The following TAF7L variants were observed in gnomAD, a reference collection of about 807,000 sequenced individuals.
The protein encoded by TAF7L is transcription initiation factor TFIID subunit 7-like.
A neutral mutation model predicts 30.2 loss-of-function variants in TAF7L; 6 were observed. That is an observed-to-expected ratio of 0.20 (90% confidence interval 0.11 to 0.39). The LOEUF (loss-of-function observed/expected upper bound fraction) is 0.39. Ranked by LOEUF, TAF7L falls within the 10% of genes least tolerant of loss-of-function variation. TAF7L has a pLI of 1.00. For missense variants in TAF7L, 284 were observed against 277.1 expected, an observed-to-expected ratio of 1.03 and a Z score of -0.18; for synonymous variants, 93 against 94.5, an observed-to-expected ratio of 0.98 and a Z score of 0.09.
At chrX:101,291,789 C>A (rs1173157485), upstream of TAF7L, among the ~76,000 whole-genome samples, 1 of 107,635 alleles carries the variant, frequency 9.3e-6, no homozygotes, top group Non-Finnish European at 1.9e-5. Flanking sequence ...TCGCTTGAAC[C>A]CGGGAGGTGG....
At chrX:101,284,516 C>T (rs1924516466) in intron 3 of TAF7L, among the ~76,000 whole-genome samples, 1 of 111,653 alleles carries the variant, frequency 9.0e-6, no homozygotes, top group South Asian at 3.7e-4. Context: ...AGGTGTGCAC[C>T]ACCATGCCCG....
chrX:101,281,875 G>A, intron 5 of TAF7L, 100 bp from the exon 6 acceptor site: 1 of 682,236 alleles, frequency 1.5e-6, no homozygotes, highest in Non-Finnish European at 2.1e-6. Context: ...AAAGGGTCAT[G>A]ACATCACTCC....
chrX:101,281,798 A>G, intron 5 of TAF7L, 23 bp from the exon 6 acceptor site: 2 of 1,181,227 alleles, frequency 1.7e-6, no homozygotes, highest in Non-Finnish European at 2.3e-6. Context: ...CAACACAGTG[A>G]AACGTTATAT....
chrX:101,274,096 G>A (rs767119456), intron 12 of TAF7L, among the ~76,000 whole-genome samples: 30 of 112,228 alleles, frequency 2.7e-4, no homozygotes, highest in African/African-American at 8.4e-4. Flanking sequence ...GTCCAATGTC[G>A]TTTTGTTACA....
intron 12 of TAF7L, among the ~76,000 whole-genome samples, chrX:101,270,369 TCTCA>T (rs1435008748): frequency 9.0e-6 from 1 of 111,341 alleles, no homozygotes; most frequent in Non-Finnish European, 1.9e-5. Flanking sequence ...TAGAGGCTCT[TCTCA>T]CTCAGTTGCT....
At chrX:101,286,426 C>CT in intron 3 of TAF7L, 149 bp downstream of exon 3, 1 of 404,902 alleles carries the variant, frequency 2.5e-6, no homozygotes. Flanking sequence ...AAGAAGAGGA[C>CT]TTAAGCCTCT....
intron 4 of TAF7L, among the ~76,000 whole-genome samples, chrX:101,282,792 C>A (rs111634370): frequency 2.5e-3 from 277 of 110,766 alleles, no homozygotes; most frequent in African/African-American, 8.9e-3. Flanking sequence ...TAGACAAAGT[C>A]TTGCTCTGTC....
At chrX:101,273,997 T>C (rs1231496347) in intron 12 of TAF7L, among the ~76,000 whole-genome samples, 3 of 112,022 alleles carry the variant, frequency 2.7e-5, no homozygotes, top group Non-Finnish European at 1.9e-5. Context: ...TTTGTAACTT[T>C]ATATTTGTAT....
chrX:101,272,083 T>C (rs12014608), intron 12 of TAF7L, among the ~76,000 whole-genome samples: 37,833 of 110,239 alleles, frequency 0.34, 4,765 homozygotes, highest in Middle Eastern at 0.39. Context: ...CTCCAGTCTC[T>C]TTAAAATTGT....
At chrX:101,275,146 G>T in intron 12 of TAF7L, 76 bp downstream of exon 12, 1 of 757,681 alleles carries the variant, frequency 1.3e-6, no homozygotes, top group Non-Finnish European at 2.0e-6. Flanking sequence ...GGAACAGCCA[G>T]CAATGATATT....
At chrX:101,291,164 G>T in intron 1 of TAF7L, 60 bp downstream of exon 1, 1 of 529,018 alleles carries the variant, frequency 1.9e-6, no homozygotes, top group Non-Finnish European at 2.3e-6. Context: ...CACCGCGGCG[G>T]GGTGCACACT....
At chrX:101,288,468 T>C (rs1924686966) in intron 1 of TAF7L, among the ~76,000 whole-genome samples, 1 of 109,222 alleles carries the variant, frequency 9.2e-6, no homozygotes, top group Non-Finnish European at 1.9e-5. Context: ...TTTTTTTTTT[T>C]GAGACGGAGT....
At chrX:101,270,350 G>A (rs1055281396) in intron 12 of TAF7L, among the ~76,000 whole-genome samples, 2 of 111,298 alleles carry the variant, frequency 1.8e-5, no homozygotes, top group Non-Finnish European at 3.8e-5. Context: ...ATTGCTGTCC[G>A]CAGTAACTTA....
At chrX:101,286,428 TA>T (rs1458223576) in intron 3 of TAF7L, 146 bp downstream of exon 3, 1 of 405,511 alleles carries the variant, frequency 2.5e-6, no homozygotes, top group Non-Finnish European at 4.2e-6. Flanking sequence ...GAAGAGGACT[TA>T]AGCCTCTCTA....
chrX:101,285,858 G>C (rs946186306), intron 3 of TAF7L, among the ~76,000 whole-genome samples: 3 of 110,846 alleles, frequency 2.7e-5, no homozygotes, highest in African/African-American at 9.8e-5. Context: ...TGTACAATTT[G>C]CCAATATAAC....
At chrX:101,284,789 T>TAA (rs61103229) in intron 3 of TAF7L, among the ~76,000 whole-genome samples, 75 of 105,113 alleles carry the variant, frequency 7.1e-4, no homozygotes, top group Non-Finnish European at 9.2e-4. Flanking sequence ...TTCTCTGTAT[T>TAA]AAAAAAAAAA....
chrX:101,283,658 A>T, intron 3 of TAF7L, 75 bp from the exon 4 acceptor site: 1 of 1,095,826 alleles, frequency 9.1e-7, no homozygotes. Flanking sequence ...AATAATGAAG[A>T]CTTATGTGGG....
chrX:101,282,962 A>G (rs925187861), intron 4 of TAF7L, among the ~76,000 whole-genome samples: 1 of 109,913 alleles, frequency 9.1e-6, no homozygotes, highest in African/African-American at 3.3e-5. Context: ...AGGTCTCACT[A>G]TGTTGCCCAG....
chrX:101,279,075 C>T (rs761378280), intron 6 of TAF7L, 40 bp from the exon 7 acceptor site: 13 of 1,073,890 alleles, frequency 1.2e-5, no homozygotes, highest in Middle Eastern at 2.5e-4. Flanking sequence ...TATTATGATA[C>T]CTATATTTCA....
Sources: allele counts gnomAD v4.1 joint callset (sites outside exome capture counted in the v4.1 genomes callset), GRCh38; gene constraint gnomAD v4.1.1; transcripts MANE v1.5; gene names NCBI Gene and HGNC (gene_info 2026-07-23, HGNC 2026-07-21).